Variants in CWC27 observed in about 807,000 individuals in gnomAD.
CWC27 encodes spliceosome-associated protein CWC27 homolog.
CWC27 carries 47 observed loss-of-function variants against 63.6 expected under a neutral mutation model. The observed-to-expected ratio is 0.74, with a 90% CI of 0.58 to 0.94. The LOEUF is 0.94. Ranked by LOEUF, CWC27 falls within the 40% of genes least tolerant of loss-of-function variation. The pLI, the probability that CWC27 is intolerant of heterozygous loss-of-function variation, is 0.00. For missense variants in CWC27, 495 were observed against 554.3 expected, an observed-to-expected ratio of 0.89 and a Z score of 1.07; for synonymous variants, 175 against 179.8, an observed-to-expected ratio of 0.97 and a Z score of 0.22.
chr5:64,915,445 A>C (rs1314676004), intron 11 of CWC27, among the ~76,000 whole-genome samples: 2 of 152,224 alleles, frequency 1.3e-5, no homozygotes, highest in Non-Finnish European at 1.5e-5. Context: ...GATTTGCCTG[A>C]TCTGAGTGTT....
chr5:64,821,125 G>A (rs964591352), intron 10 of CWC27, among the ~76,000 whole-genome samples: 6 of 134,110 alleles, frequency 4.5e-5, no homozygotes, highest in Non-Finnish European at 6.1e-5. Flanking sequence ...TCACTCTGTC[G>A]CCAGGCTGGA....
intron 11 of CWC27, among the ~76,000 whole-genome samples, chr5:64,896,969 T>G (rs1747391885): frequency 6.6e-6 from 1 of 152,142 alleles, no homozygotes; most frequent in South Asian, 2.1e-4. Flanking sequence ...CCTAGCACTT[T>G]GGGAGGCTGA....
At chr5:64,872,971 G>A (rs547777989) in intron 10 of CWC27, among the ~76,000 whole-genome samples, 22 of 152,248 alleles carry the variant, frequency 1.4e-4, no homozygotes, top group Non-Finnish European at 2.8e-4. Flanking sequence ...CTGAGTCACA[G>A]TGTTGGATAC....
intron 13 of CWC27, among the ~76,000 whole-genome samples, chr5:64,996,637 A>G (rs1405041361): frequency 1.3e-5 from 2 of 152,168 alleles, no homozygotes; most frequent in Non-Finnish European, 2.9e-5. Flanking sequence ...TCAAGATGTC[A>G]TAACTAGAAG....
At chr5:64,858,090 A>G (rs1009557888) in intron 10 of CWC27, among the ~76,000 whole-genome samples, 2 of 119,728 alleles carry the variant, frequency 1.7e-5, no homozygotes, top group Non-Finnish European at 3.3e-5. Context: ...GTGAGCCGAG[A>G]TCGCGCCACT....
chr5:64,799,412 C>T (rs570758625), intron 7 of CWC27, among the ~76,000 whole-genome samples: 1 of 151,854 alleles, frequency 6.6e-6, no homozygotes, highest in African/African-American at 2.4e-5. Flanking sequence ...ATGGTGAAAC[C>T]CTGTCTCTAC....
intron 10 of CWC27, among the ~76,000 whole-genome samples, chr5:64,884,754 C>T (rs921777586): frequency 1.3e-5 from 2 of 152,180 alleles, no homozygotes; most frequent in African/African-American, 4.8e-5. Context: ...GAATTTGAAT[C>T]TCCTGCCCTA....
intron 10 of CWC27, among the ~76,000 whole-genome samples, chr5:64,822,131 G>C (rs1256263144): frequency 6.6e-6 from 1 of 152,156 alleles, no homozygotes; most frequent in Non-Finnish European, 1.5e-5. Flanking sequence ...GTTTTTGGGA[G>C]ATCACCATTG....
At chr5:64,795,707 C>T (rs1372216167) in intron 7 of CWC27, among the ~76,000 whole-genome samples, 1 of 152,102 alleles carries the variant, frequency 6.6e-6, no homozygotes, top group African/African-American at 2.4e-5. Context: ...TCTTGATAAT[C>T]CAGGATAATG....
intron 10 of CWC27, among the ~76,000 whole-genome samples, chr5:64,810,369 G>C (rs918199745): frequency 2.6e-5 from 4 of 151,916 alleles, no homozygotes; most frequent in Non-Finnish European, 5.9e-5. Context: ...GATTGCTTAG[G>C]CTATTTGGGG....
At chr5:64,863,597 TG>T (rs1436965725) in intron 10 of CWC27, among the ~76,000 whole-genome samples, 2 of 152,018 alleles carry the variant, frequency 1.3e-5, no homozygotes, top group African/African-American at 4.8e-5. Flanking sequence ...TGGGCTCAAG[TG>T]ATCCTTCCAC....
chr5:64,963,939 CT>C (rs1748966745), intron 11 of CWC27, among the ~76,000 whole-genome samples: 2 of 152,104 alleles, frequency 1.3e-5, no homozygotes, highest in South Asian at 4.1e-4. Context: ...AGATTTATGA[CT>C]TTCTGGAAAA....
At chr5:64,997,936 G>A (rs1190921333) in intron 13 of CWC27, among the ~76,000 whole-genome samples, 1 of 152,096 alleles carries the variant, frequency 6.6e-6, no homozygotes. Context: ...AGGTTCTCTG[G>A]TTAGTGTTCA....
intron 11 of CWC27, among the ~76,000 whole-genome samples, chr5:64,928,601 C>T (rs965222586): frequency 6.6e-6 from 1 of 151,970 alleles, no homozygotes; most frequent in African/African-American, 2.4e-5. Context: ...CACACACACA[C>T]GTTTGCAGAA....
At chr5:64,847,617 C>T (rs1746024050) in intron 10 of CWC27, among the ~76,000 whole-genome samples, 1 of 152,120 alleles carries the variant, frequency 6.6e-6, no homozygotes. Context: ...GAACATTCTT[C>T]AGCTTAGATA....
At position 64,949,044 on chromosome 5, in the gene CWC27, G is replaced by A. The variant is rs539399174; in HGVS notation, c.1043-22659G>A. Among the ~76,000 whole-genome samples, 29 of 151,998 alleles carry A rather than the reference G, an allele frequency of 1.9e-4. 1 individual carries two copies. In the Middle Eastern group the frequency reaches 0.01, roughly 53 times the overall value. On this transcript the variant is annotated intron_variant, in intron 11 of 13. Coordinates refer to ENST00000381070, the MANE Select transcript of CWC27 (RefSeq NM_005869.4). ...GATGTGTCTAAGGGCATACTGTTTG[G>A]GAAGACTTTTTAAATCTCACTTAAG...
chr5:64,965,393 T>A (rs771173880), intron 11 of CWC27, among the ~76,000 whole-genome samples: 29 of 152,112 alleles, frequency 1.9e-4, no homozygotes, highest in Admixed American at 3.9e-4. Context: ...AGGATAAGAT[T>A]ACAGTCCAAG....
At chr5:64,784,528 T>G (rs1174958681) in intron 4 of CWC27, among the ~76,000 whole-genome samples, 1 of 152,150 alleles carries the variant, frequency 6.6e-6, no homozygotes, top group East Asian at 1.9e-4. Flanking sequence ...CTCACTCTTC[T>G]CCATTCTCAT....
chr5:64,946,490 G>A (rs765623531), intron 11 of CWC27, among the ~76,000 whole-genome samples: 3 of 152,128 alleles, frequency 2.0e-5, no homozygotes, highest in Non-Finnish European at 4.4e-5. Flanking sequence ...AAATAGATGT[G>A]CATATTCACA....
Sources: gnomAD v4.1 joint callset for allele counts (sites outside exome capture counted in the v4.1 genomes callset) on GRCh38, gnomAD v4.1.1 for gene constraint, MANE v1.5 for transcripts, NCBI Gene and HGNC (gene_info 2026-07-23, HGNC 2026-07-21) for gene names.